The following TPR variants were observed in gnomAD, a reference collection of about 807,000 sequenced individuals.
TPR encodes the protein translocated promoter region, nuclear basket protein, also known as nucleoprotein TPR.
TPR carries 51 observed loss-of-function variants against 316.1 expected under a neutral mutation model. The ratio of observed to expected loss-of-function variants is 0.16; its 90% CI spans 0.13 to 0.20. The LOEUF is 0.20. Among genes scored for constraint, TPR ranks in the 10% least tolerant of loss-of-function variants. TPR has a pLI of 1.00. For missense variants in TPR, 2,272 were observed against 2,754.8 expected (o/e 0.82, Z 3.92); for synonymous variants, 981 against 914.7 (o/e 1.07, Z -1.31).
chr1:186,350,434 A>C, intron 20 of TPR, 46 bp from the exon 21 acceptor site: 1 of 1,371,768 alleles, frequency 7.3e-7, no homozygotes, highest in Non-Finnish European at 9.8e-7. Context: ...TTCCTAAGTA[A>C]CTAAAGGTTC....
Position 186,327,425 on chromosome 1 carries a change from T to C in TPR, c.5889+35A>G, listed in dbSNP as rs377002996. On this transcript the variant is annotated intron_variant, in intron 40 of 50. Coordinates refer to ENST00000367478, the MANE Select transcript of TPR (RefSeq NM_003292.3). ...GGATTTGAGCACTTTCATCCAATAGTTTAAAAACACTAGATGATTTCAAAT... is the reference window on the plus strand; with the variant it reads ...GGATTTGAGCACTTTCATCCAATAGCTTAAAAACACTAGATGATTTCAAAT... The C allele has an allele frequency of 5.6e-5, 89 of 1,598,708 alleles. 1 individual carries two copies. In the African/African-American group the frequency reaches 1.1e-3, roughly 21 times the overall value.
At chr1:186,367,741 T>C in intron 4 of TPR, 145 bp downstream of exon 4, 1 of 518,328 alleles carries the variant, frequency 1.9e-6, no homozygotes, top group East Asian at 2.9e-5. Flanking sequence ...GATAAATGAG[T>C]AGGAGAAATA....
intron 41 of TPR, 50 bp downstream of exon 41, chr1:186,326,054 A>AAG: frequency 6.2e-7 from 1 of 1,608,660 alleles, no homozygotes; most frequent in South Asian, 1.1e-5. Flanking sequence ...CAGCAAGTGA[A>AAG]AGAAAGCTCA....
chr1:186,321,029 C>T (rs1338864752), intron 45 of TPR, among the ~76,000 whole-genome samples: 2 of 152,116 alleles, frequency 1.3e-5, no homozygotes, highest in African/African-American at 4.8e-5. Flanking sequence ...CTTTAGGAAA[C>T]ATGGAGTTCA....
chr1:186,328,813 A>G (rs1658073355), intron 39 of TPR, among the ~76,000 whole-genome samples: 1 of 152,176 alleles, frequency 6.6e-6, no homozygotes, highest in Non-Finnish European at 1.5e-5. Flanking sequence ...CCACAATTCT[A>G]TTTTGTTAAC....
chr1:186,325,445 T>C (rs10911847), intron 42 of TPR: 55,818 of 189,484 alleles, frequency 0.29, 9,010 homozygotes, highest in Admixed American at 0.39. Flanking sequence ...CCTCCTCTGG[T>C]TGTGAACTGC....
intron 10 of TPR, 133 bp from the exon 11 acceptor site, chr1:186,360,497 C>T (rs1659153393): frequency 8.0e-6 from 8 of 995,832 alleles, no homozygotes; most frequent in Non-Finnish European, 1.2e-5. Context: ...TACATGACAT[C>T]AAAAAGTCAT....
intron 2 of TPR, among the ~76,000 whole-genome samples, chr1:186,373,063 CAT>C (rs983208775): frequency 2.0e-5 from 3 of 152,132 alleles, no homozygotes; most frequent in Non-Finnish European, 2.9e-5. Context: ...GGTAGACAGA[CAT>C]GTGGGTCTAA....
At chr1:186,318,991 T>C (rs772100671) in intron 46 of TPR, among the ~76,000 whole-genome samples, 163 bp from the exon 47 acceptor site, 1 of 152,192 alleles carries the variant, frequency 6.6e-6, no homozygotes, top group Non-Finnish European at 1.5e-5. Flanking sequence ...CAAACTTTTA[T>C]TTTTTATTTT....
At chr1:186,329,729 G>A (rs1325662523) in intron 39 of TPR, among the ~76,000 whole-genome samples, 1 of 152,118 alleles carries the variant, frequency 6.6e-6, no homozygotes, top group Non-Finnish European at 1.5e-5. Context: ...TTCAGTCAAA[G>A]AAAGCTGGTA....
chr1:186,322,204 A>G, intron 45 of TPR, 114 bp downstream of exon 45: 1 of 978,436 alleles, frequency 1.0e-6, no homozygotes. Flanking sequence ...ACTTATTAGT[A>G]CATAGTAGAG....
In TPR at chr1:186,312,384, A is replaced by G; in HGVS notation, c.*1587T>C. On this transcript the variant is annotated 3_prime_UTR_variant, in exon 51 of 51. Transcript: ENST00000367478. ...TTATCAAGACAAAGGTAACATTTTT[A>G]TTGTGTTAAAAAAATCCTTAAACAT... The G allele has an allele frequency of 2.5e-6, 4 of 1,598,260 alleles. No individual in the cohort carries two copies. Among genetic ancestry groups the G allele is most frequent in the Non-Finnish European group, 3.4e-6 (4 of 1,172,998 alleles).
chr1:186,357,312 G>A (rs1571630767), intron 14 of TPR, 85 bp downstream of exon 14: 5 of 1,350,210 alleles, frequency 3.7e-6, no homozygotes, highest in Middle Eastern at 1.9e-4. Context: ...CTCCCAAAAC[G>A]TTGGGATTAC....
intron 41 of TPR, 58 bp downstream of exon 41, chr1:186,326,046 G>C: frequency 6.2e-7 from 1 of 1,605,452 alleles, no homozygotes; most frequent in Non-Finnish European, 8.5e-7. Context: ...TTGGAAAACA[G>C]CAAGTGAAAG....
chr1:186,312,515 C>A lies in TPR; in HGVS notation c.*1456G>T. ...TACTGATGAAAAACTCATCCACTTG[C>A]CTTAGTGAATAACCAAAGACCAATA... On this transcript the variant is annotated 3_prime_UTR_variant, in exon 51 of 51. Coordinates refer to ENST00000367478, the MANE Select transcript of TPR (RefSeq NM_003292.3). 1 of 884,190 alleles carries A rather than the reference C, an allele frequency of 1.1e-6. No individual in the cohort carries two copies. Among genetic ancestry groups the A allele is most frequent in the Non-Finnish European group, 1.7e-6 (1 of 587,524 alleles). 54.8% of individuals were successfully genotyped at this position (884,190 alleles called of 1,614,324 possible). A position where few individuals can be genotyped will look rare whatever the true frequency, so the allele number is the denominator to read the frequency against.
intron 36 of TPR, 36 bp downstream of exon 36, chr1:186,334,289 T>A (rs1163743484): frequency 1.3e-6 from 2 of 1,540,004 alleles, no homozygotes; most frequent in Non-Finnish European, 1.8e-6. Context: ...TAAATCTAAA[T>A]AAGCAGTCTC....
rs748959733 is a variant in TPR at position 186,333,216 on chromosome 1, C to G, written c.5361G>C (p.Glu1787Asp). 1.9e-6 allele frequency: 3 copies of G among 1,613,638 alleles called. No homozygotes were observed. The South Asian group carries it at 3.3e-5, about 18-fold the overall frequency. Residue 1787 changes from glutamate (E) to aspartate (D), a missense_variant, in exon 37 of 51, where the codon GAG (glutamate) becomes GAC (aspartate). Around this residue, in one of 10 missense-constraint regions of TPR, gnomAD observed 435 missense variants for 461.1 expected, o/e 0.94. Coordinates refer to ENST00000367478, the MANE Select transcript of TPR (RefSeq NM_003292.3). ...QPTQQSHPQI[E>D]PANQELSSNI... ...TTGAAGATAACTCTTGATTGGCAGG[C>G]TCAATCTGAGGATGACTCTGTTGAG...
chr1:186,358,749 T>A, intron 12 of TPR, 99 bp from the exon 13 acceptor site: 1 of 879,790 alleles, frequency 1.1e-6, no homozygotes. Flanking sequence ...GTAATCAACT[T>A]ATACACTAAA....
intron 27 of TPR, chr1:186,343,055 A>G (rs1658556474): frequency 3.3e-6 from 1 of 304,322 alleles, no homozygotes; most frequent in Non-Finnish European, 6.0e-6. Context: ...AATATTACAG[A>G]TGAAGAAACT....
Sources: allele counts gnomAD v4.1 joint callset (sites outside exome capture counted in the v4.1 genomes callset), GRCh38; gene constraint gnomAD v4.1.1; regional missense constraint gnomAD v4.1.1; transcripts MANE v1.5; gene names NCBI Gene and HGNC (gene_info 2026-07-23, HGNC 2026-07-21).